The following GAB4 variants were observed in gnomAD, a reference collection of about 807,000 sequenced individuals.
The protein encoded by GAB4 is GRB2 associated binding protein family member 4.
GAB4 carries 26 observed loss-of-function variants against 51.3 expected under a neutral mutation model. That is an observed-to-expected ratio of 0.51 (90% CI 0.37 to 0.70). The LOEUF is 0.70. Ranked by LOEUF, GAB4 falls within the 30% of genes least tolerant of loss-of-function variation. GAB4 has a pLI of 0.00. For synonymous variants in GAB4, 329 were observed against 291.2 expected (o/e 1.13, Z -1.32); for missense variants, 759 against 734.6 (o/e 1.03, Z -0.38).
intron 2 of GAB4, among the ~76,000 whole-genome samples, chr22:16,989,771 C>G (rs1250907383): frequency 1.3e-5 from 2 of 152,242 alleles, no homozygotes; most frequent in Non-Finnish European, 2.9e-5. Flanking sequence ...CTTGTTGGAT[C>G]TGTTTCCTCT....
chr22:17,003,288 A>C (rs1182625830), intron 1 of GAB4, among the ~76,000 whole-genome samples: 2 of 152,216 alleles, frequency 1.3e-5, no homozygotes, highest in Non-Finnish European at 2.9e-5. Context: ...GAAATGAAAC[A>C]AGGATATTCA....
chr22:16,978,143 A>C (rs1271425070), intron 3 of GAB4, among the ~76,000 whole-genome samples: 5 of 152,134 alleles, frequency 3.3e-5, no homozygotes, highest in Non-Finnish European at 7.4e-5. Flanking sequence ...AGAGCAAACA[A>C]ATTCAAAAGC....
intron 7 of GAB4, 125 bp downstream of exon 7, chr22:16,965,053 G>C (rs147366102): frequency 9.1e-6 from 7 of 769,338 alleles, no homozygotes; most frequent in African/African-American, 1.8e-5. Flanking sequence ...ATGAGACGGA[G>C]ACAGGATCAG....
At position 16,965,422 on chromosome 22, in the gene GAB4, G is replaced by A. The variant is rs935805257; in HGVS notation, c.1289-154C>T. Among the ~76,000 whole-genome samples the A allele has an allele frequency of 3.3e-5, 5 of 152,266 alleles. No individual in the cohort carries two copies. The East Asian group carries it at 5.8e-4, about 18-fold the overall frequency. ...GACTGAGGCTTGGCAAGGCTCTATC[G>A]GCTGGGTCATGCTGAAGGGCCTTAG... On this transcript the variant is annotated intron_variant, in intron 6 of 9. Transcript: ENST00000400588.
At chr22:16,967,764 G>T (rs574159461) in intron 5 of GAB4, among the ~76,000 whole-genome samples, 13 of 152,288 alleles carry the variant, frequency 8.5e-5, no homozygotes, top group African/African-American at 2.9e-4. Flanking sequence ...CTTGTTGCTT[G>T]TCTGACACCT....
chr22:16,972,010 G>A (rs1326596945), intron 3 of GAB4, among the ~76,000 whole-genome samples: 1 of 152,250 alleles, frequency 6.6e-6, no homozygotes, highest in Non-Finnish European at 1.5e-5. Context: ...AGGAGAGCAG[G>A]GGAAGATGCA....
At position 17,007,893 on chromosome 22, in the gene GAB4, C is replaced by G; in HGVS notation, c.174+48G>C. On this transcript the variant is annotated intron_variant, in intron 1 of 9. Coordinates refer to ENST00000400588, the MANE Select transcript of GAB4 (RefSeq NM_001037814.1). Reference sequence around the variant, plus strand: ...CTCCCCCACGCCCCTCCCGGAGTCCCCAGACCCTCCGTGGCGCTCCTGGTA... The same window carrying G: ...CTCCCCCACGCCCCTCCCGGAGTCCGCAGACCCTCCGTGGCGCTCCTGGTA... 2.6e-6 allele frequency: 4 copies of G among 1,519,222 alleles called. No homozygotes were observed. In the South Asian group the frequency reaches 3.8e-5, roughly 14 times the overall value. 94.1% of individuals were successfully genotyped at this position (1,519,222 alleles called of 1,614,324 possible).
intron 1 of GAB4, among the ~76,000 whole-genome samples, chr22:16,995,101 G>A (rs1027122312): frequency 6.6e-6 from 1 of 152,186 alleles, no homozygotes; most frequent in Non-Finnish European, 1.5e-5. Flanking sequence ...TCATAAAGTG[G>A]CAGAGCAAGA....
chr22:16,979,429 G>C (rs1014013844), intron 3 of GAB4, among the ~76,000 whole-genome samples: 1 of 152,146 alleles, frequency 6.6e-6, no homozygotes, highest in Admixed American at 6.6e-5. Flanking sequence ...TTGCTTCAAA[G>C]AGAATAAAAT....
rs78194508 is a variant in GAB4 at position 16,989,716 on chromosome 22, G to A, written c.479-1549C>T. 9.7e-3 allele frequency among the ~76,000 whole-genome samples: 1,476 copies of A among 152,306 alleles called. 13 individuals carry two copies. The highest frequency in any genetic ancestry group is 0.016 in the Non-Finnish European group (1,066 of 68,018). ...AGGATGAACACAGCTGCTGCCCAGG[G>A]AGGGTGCAGCCTGGGAAGCTCTGCT... On this transcript the variant is annotated intron_variant, in intron 2 of 9. Coordinates refer to ENST00000400588, the MANE Select transcript of GAB4 (RefSeq NM_001037814.1).
rs370292871 is a variant in GAB4, at chr22:16,969,954, G to A, written c.926C>T (p.Ala309Val). 94 of 1,614,040 alleles carry A rather than the reference G, an allele frequency of 5.8e-5. 1 individual carries two copies. The Middle Eastern group carries it at 3.1e-3, about 54-fold the overall frequency. Reference sequence around the variant, plus strand: ...GAAGGGGTACACACCCTCATTATCCGCCTCAGAGCCTGTGAGGCTGCCTCT... The same window carrying A: ...GAAGGGGTACACACCCTCATTATCCACCTCAGAGCCTGTGAGGCTGCCTCT... ...HTRGSLTGSE[A>V]DNEASSGKYT... The change falls in exon 4 of 10, where the codon GCG becomes GTG. Residue 309 changes from alanine to valine, a missense_variant. This residue lies in a region of GAB4 where 588 missense variants were observed against 510.2 expected (regional missense o/e 1.15). Coordinates refer to ENST00000400588, the MANE Select transcript of GAB4 (RefSeq NM_001037814.1).
chr22:17,002,016 G>A (rs1369733167), intron 1 of GAB4, among the ~76,000 whole-genome samples: 1 of 152,168 alleles, frequency 6.6e-6, no homozygotes, highest in Non-Finnish European at 1.5e-5. Flanking sequence ...TTGGAAAAGT[G>A]CAGTATTAGG....
At chr22:17,002,679 T>C (rs770338981) in intron 1 of GAB4, among the ~76,000 whole-genome samples, 1 of 151,994 alleles carries the variant, frequency 6.6e-6, no homozygotes, top group Non-Finnish European at 1.5e-5. Context: ...GGGCCTGTTG[T>C]TGGGGGCGAG....
Position 16,970,130 on chromosome 22 carries a change from T to G in GAB4, c.750A>C (p.Gln250His). Residue 250 changes from glutamine to histidine, a missense_variant, in exon 4 of 10, where the codon CAA becomes CAC. Gln to His is a conservative substitution (Grantham distance 24, BLOSUM62 0). Transcript: ENST00000400588. Reference protein sequence around the residue: ...PFIMRRNTAMQNLAQHSGYSV... With the variant: ...PFIMRRNTAMHNLAQHSGYSV... The stretch of plus-strand genomic sequence containing the variant: ...TGTATCCACTGTGCTGGGCAAGATT[T>G]TGCATGGCTGTGTTTCTCCTCATGA... The G allele has an allele frequency of 1.9e-6, 3 of 1,614,104 alleles. No individual in the cohort carries two copies. Among genetic ancestry groups the G allele is most frequent in the Non-Finnish European group, 2.5e-6 (3 of 1,180,020 alleles).
At chr22:16,982,512 A>T (rs1367738993) in intron 3 of GAB4, among the ~76,000 whole-genome samples, 1 of 152,202 alleles carries the variant, frequency 6.6e-6, no homozygotes. Flanking sequence ...TAAAGAAATT[A>T]AAAAGGACAT....
At chr22:16,967,237 A>G (rs1343345121) in intron 5 of GAB4, 1 of 152,454 alleles carries the variant, frequency 6.6e-6, no homozygotes, top group Non-Finnish European at 1.5e-5. Context: ...CCCAATGTCC[A>G]CGTGGGTTTC....
intron 6 of GAB4, 30 bp downstream of exon 6, chr22:16,966,070 T>C (rs376021374): frequency 1.1e-4 from 170 of 1,608,362 alleles, no homozygotes; most frequent in Non-Finnish European, 1.3e-4. Context: ...CCCTGGACAT[T>C]GTCAAGAAAT....
intron 4 of GAB4, chr22:16,969,654 C>T (rs1201855872): frequency 1.4e-5 from 9 of 645,196 alleles, no homozygotes; most frequent in Admixed American, 7.6e-5. Flanking sequence ...AAGGGTATTC[C>T]GCCTGGGGAT....
At chr22:16,974,831 T>C (rs1055346305) in intron 3 of GAB4, among the ~76,000 whole-genome samples, 11 of 152,108 alleles carry the variant, frequency 7.2e-5, no homozygotes, top group African/African-American at 2.7e-4. Flanking sequence ...TCACTGGGAC[T>C]GGTTAGACAG....
Sources: gnomAD v4.1 joint callset for allele counts (sites outside exome capture counted in the v4.1 genomes callset) on GRCh38, gnomAD v4.1.1 for gene constraint, gnomAD v4.1.1 regional missense constraint, MANE v1.5 for transcripts, NCBI Gene and HGNC (gene_info 2026-07-23, HGNC 2026-07-21) for gene names.